FRY: variants seen among roughly 807,000 people sequenced by gnomAD.
The protein encoded by FRY is protein furry homolog.
In FRY, 128 loss-of-function variants were observed where a neutral mutation model predicts 348.4. The observed-to-expected ratio is 0.37, with a 90% confidence interval of 0.32 to 0.43. FRY has a LOEUF of 0.43. FRY is among the 20% of genes least tolerant of loss of function. The probability of loss-of-function intolerance (pLI) is 1.00; values close to 1 mark genes in which losing one functional copy is unlikely to be tolerated. For synonymous variants in FRY, 1,370 were observed against 1,374.7 expected (o/e 1.00, Z 0.08); for missense variants, 2,736 against 3,695.2 (o/e 0.74, Z 6.73).
Position 32,209,578 on chromosome 13 carries a change from G to A in FRY, c.4276-7G>A, listed in dbSNP as rs202116802. On this transcript the variant is annotated splice_polypyrimidine_tract_variant and splice_region_variant and intron_variant, in intron 32 of 60. Transcript: ENST00000542859. ...CATCTCTTGGGCCGGTTTTTATTTTGTTATAGTATGGAGATGAAGTTCCTG... is the reference window on the plus strand; with the variant it reads ...CATCTCTTGGGCCGGTTTTTATTTTATTATAGTATGGAGATGAAGTTCCTG... 5.0e-6 allele frequency: 8 copies of A among 1,613,714 alleles called. No individual in the cohort carries two copies. The highest frequency in any genetic ancestry group is 1.7e-5 in the Admixed American group (1 of 59,990).
intron 14 of FRY, among the ~76,000 whole-genome samples, chr13:32,151,446 G>A (rs948044017): frequency 7.9e-5 from 12 of 152,200 alleles, no homozygotes; most frequent in Admixed American, 2.6e-4. Flanking sequence ...AAAAGCAGAC[G>A]GGAGGACAGC....
intron 11 of FRY, among the ~76,000 whole-genome samples, chr13:32,141,413 T>C (rs750206549): frequency 5.9e-5 from 9 of 152,258 alleles, no homozygotes; most frequent in Non-Finnish European, 8.8e-5. Context: ...TTTACTTAGA[T>C]GGCTTTCTCT....
chr13:32,286,873 A>G (rs1235157382), intron 58 of FRY, among the ~76,000 whole-genome samples: 3 of 148,510 alleles, frequency 2.0e-5, no homozygotes, highest in Non-Finnish European at 4.4e-5. Flanking sequence ...GAAATTGTCT[A>G]TTGAGTCCAG....
intron 1 of FRY, among the ~76,000 whole-genome samples, chr13:32,035,999 G>C (rs1216711981): frequency 1.3e-5 from 2 of 152,200 alleles, no homozygotes; most frequent in African/African-American, 4.8e-5. Context: ...TATGAGGTCA[G>C]CTCTGGGGCC....
intron 1 of FRY, among the ~76,000 whole-genome samples, chr13:32,032,941 T>G (rs189774920): frequency 6.6e-6 from 1 of 152,314 alleles, no homozygotes; most frequent in East Asian, 1.9e-4. Flanking sequence ...TGTTCTTATA[T>G]AAACAAAACC....
intron 2 of FRY, among the ~76,000 whole-genome samples, chr13:32,084,261 T>C (rs1875705456): frequency 6.6e-6 from 1 of 152,180 alleles, no homozygotes. Flanking sequence ...CAATTTTTCC[T>C]CCTCTGATCT....
At chr13:32,149,291 G>A (rs1031869848) in intron 13 of FRY, among the ~76,000 whole-genome samples, 2 of 151,256 alleles carry the variant, frequency 1.3e-5, no homozygotes, top group Non-Finnish European at 2.9e-5. Context: ...TGTCTCACAT[G>A]CAGAATTACT....
intron 55 of FRY, among the ~76,000 whole-genome samples, chr13:32,271,093 C>T (rs2126043): frequency 0.48 from 72,537 of 152,004 alleles, 18,972 homozygotes; most frequent in Middle Eastern, 0.67. Flanking sequence ...GCTCTTTCTC[C>T]ACCCTCTACC....
intron 2 of FRY, among the ~76,000 whole-genome samples, chr13:32,089,215 A>C (rs899587323): frequency 1.3e-5 from 2 of 152,232 alleles, no homozygotes; most frequent in Non-Finnish European, 2.9e-5. Flanking sequence ...CATGCTAACA[A>C]TAAGACTTGT....
chr13:32,165,596 G>T (rs1326736582), intron 17 of FRY, among the ~76,000 whole-genome samples: 1 of 152,030 alleles, frequency 6.6e-6, no homozygotes, highest in African/African-American at 2.4e-5. Flanking sequence ...CTTCCTCCAC[G>T]GCCCTTGTTG....
chr13:32,105,586 A>C (rs1877484355), intron 3 of FRY, among the ~76,000 whole-genome samples: 1 of 152,196 alleles, frequency 6.6e-6, no homozygotes, highest in Admixed American at 6.5e-5. Flanking sequence ...GTAGGATTTT[A>C]ATCTGGGTTG....
At chr13:32,245,042 C>T (rs1306428908) in intron 47 of FRY, among the ~76,000 whole-genome samples, 2 of 152,096 alleles carry the variant, frequency 1.3e-5, no homozygotes, top group African/African-American at 4.8e-5. Flanking sequence ...CTCCACCTCC[C>T]GGGTTCAAGC....
chr13:32,111,977 C>T (rs1291913415), intron 3 of FRY, among the ~76,000 whole-genome samples: 2 of 152,176 alleles, frequency 1.3e-5, no homozygotes, highest in East Asian at 3.9e-4. Context: ...ACCTCTAATG[C>T]AAGCATTTGC....
At chr13:32,132,308 C>T (rs1879419624) in intron 8 of FRY, among the ~76,000 whole-genome samples, 1 of 131,456 alleles carries the variant, frequency 7.6e-6, no homozygotes, top group African/African-American at 2.8e-5. Flanking sequence ...CATCATGGTA[C>T]ATAACAAAAG....
intron 1 of FRY, among the ~76,000 whole-genome samples, chr13:32,056,460 A>G (rs796306109): frequency 5.9e-5 from 9 of 152,278 alleles, no homozygotes; most frequent in African/African-American, 2.2e-4. Flanking sequence ...ATGCTTGGCA[A>G]ATGCTACCTA....
chr13:32,178,170 C>A lies in FRY; in HGVS notation c.2422-7C>A, dbSNP rs371341761. 1.2e-5 allele frequency: 19 copies of A among 1,613,994 alleles called. No homozygotes were observed. The highest frequency in any genetic ancestry group is 1.6e-5 in the Non-Finnish European group (19 of 1,179,970). On this transcript the variant is annotated splice_region_variant and splice_polypyrimidine_tract_variant and intron_variant, in intron 20 of 60. Transcript: ENST00000542859. ...TTTAACTTACAACCTACCTCTTATA[C>A]CTACAGGCAACATTACCACTCACCC...
At chr13:32,117,049 A>G (rs767224110) in intron 3 of FRY, among the ~76,000 whole-genome samples, 1 of 152,222 alleles carries the variant, frequency 6.6e-6, no homozygotes, top group Admixed American at 6.5e-5. Flanking sequence ...ATATCTTTGC[A>G]GTTCCATGAA....
chr13:32,243,405 T>G (rs897950489), intron 46 of FRY, among the ~76,000 whole-genome samples: 5 of 152,234 alleles, frequency 3.3e-5, no homozygotes, highest in African/African-American at 1.2e-4. Flanking sequence ...TATACATAAA[T>G]CTTAATGTCT....
chr13:32,199,060 A>G (rs951767672), intron 29 of FRY, among the ~76,000 whole-genome samples: 1 of 152,214 alleles, frequency 6.6e-6, no homozygotes, highest in Non-Finnish European at 1.5e-5. Context: ...TGAGATGGAT[A>G]TTTGAACGCA....
Sources: allele counts gnomAD v4.1 joint callset (sites outside exome capture counted in the v4.1 genomes callset), GRCh38; gene constraint gnomAD v4.1.1; transcripts MANE v1.5; gene names NCBI Gene and HGNC (gene_info 2026-07-23, HGNC 2026-07-21).